Variants in SLC22A9 observed in about 807,000 individuals in gnomAD.
SLC22A9 encodes solute carrier family 22 member 9.
Under a neutral mutation model 50.1 loss-of-function variants are expected in SLC22A9, and 64 were observed. That is an observed-to-expected ratio of 1.28 (90% confidence interval 1.04 to 1.57). The LOEUF (loss-of-function observed/expected upper bound fraction) is 1.57, where lower values mean the gene tolerates loss of function less well. Ranked by LOEUF, SLC22A9 falls within the 40% of genes most tolerant of loss-of-function variation. The pLI, the probability that SLC22A9 is intolerant of heterozygous loss-of-function variation, is 0.00. For missense variants in SLC22A9, 757 were observed against 676.1 expected, an observed-to-expected ratio of 1.12 and a Z score of -1.33; for synonymous variants, 261 against 242.5, an observed-to-expected ratio of 1.08 and a Z score of -0.71.
At chr11:63,401,696 A>T (rs2014954222) in intron 6 of SLC22A9, among the ~76,000 whole-genome samples, 1 of 152,086 alleles carries the variant, frequency 6.6e-6, no homozygotes, top group African/African-American at 2.4e-5. Context: ...ACAAAGCTGG[A>T]GTGGCTGAGC....
chr11:63,374,948 C>T (rs1189067812), intron 4 of SLC22A9, among the ~76,000 whole-genome samples: 7 of 152,184 alleles, frequency 4.6e-5, no homozygotes, highest in South Asian at 2.1e-4. Context: ...TACTTATAGT[C>T]GGTTAACTAT....
chr11:63,387,624 C>T (rs960794819), intron 6 of SLC22A9, among the ~76,000 whole-genome samples: 15 of 151,730 alleles, frequency 9.9e-5, no homozygotes, highest in African/African-American at 1.5e-4. Flanking sequence ...CAGATAGTTT[C>T]GACTATTCTT....
chr11:63,397,278 A>C (rs868584122), intron 6 of SLC22A9, among the ~76,000 whole-genome samples: 6 of 152,158 alleles, frequency 3.9e-5, no homozygotes, highest in South Asian at 2.1e-4. Flanking sequence ...GGGAGGGGTA[A>C]CACAAGCACC....
In SLC22A9 at chr11:63,375,757, C is replaced by G; in HGVS notation, c.943C>G (p.Leu315Val). The part of the protein sequence containing the change: ...RSGMKNARDT[L>V]TLEILKSTMK... ...TGGAATGAAGAATGCCAGAGACACC[C>G]TAACCCTGGAGGTGAGCTGGATGGG... The change falls in exon 5 of 10, where the codon CTA becomes GTA. Residue 315 changes from leucine to valine, a missense_variant. Transcript: ENST00000279178. 6.2e-7 allele frequency: 1 copy of G among 1,611,866 alleles called. No individual in the cohort carries two copies. The highest frequency in any genetic ancestry group is 8.5e-7 in the Non-Finnish European group (1 of 1,178,548).
rs1261426068 is a variant in SLC22A9 at position 63,369,969 on chromosome 11, G to T, written c.-88G>T. On this transcript the variant is annotated 5_prime_UTR_variant, in exon 1 of 10. Transcript: ENST00000279178. ...GTCAGGATCAAAACACATTTAGTGT[G>T]ACTTAGGGAAAGAAAACATTTTCCC... 2.3e-6 allele frequency: 3 copies of T among 1,326,656 alleles called. No homozygotes were observed. Among genetic ancestry groups the T allele is most frequent in the Non-Finnish European group, 3.1e-6 (3 of 964,060 alleles). The allele number at this position is 1,326,656 out of a possible 1,614,324, so 82.2% of individuals were successfully genotyped here.
At chr11:63,400,310 A>C (rs939522254) in intron 6 of SLC22A9, among the ~76,000 whole-genome samples, 3 of 152,080 alleles carry the variant, frequency 2.0e-5, no homozygotes, top group African/African-American at 7.2e-5. Context: ...ATCAAATTGA[A>C]GATAAAAAAG....
intron 6 of SLC22A9, among the ~76,000 whole-genome samples, chr11:63,404,772 C>T (rs901877846): frequency 1.3e-5 from 2 of 152,108 alleles, no homozygotes; most frequent in Admixed American, 6.6e-5. Context: ...GGCTCTTATC[C>T]GACCCATGTA....
At chr11:63,383,225 A>G (rs548889160) in intron 6 of SLC22A9, among the ~76,000 whole-genome samples, 1 of 152,256 alleles carries the variant, frequency 6.6e-6, no homozygotes, top group East Asian at 1.9e-4. Flanking sequence ...CCAACATTCT[A>G]ATTTTTCAGG....
chr11:63,388,555 T>A (rs546549987), intron 6 of SLC22A9, among the ~76,000 whole-genome samples: 1 of 152,178 alleles, frequency 6.6e-6, no homozygotes, highest in African/African-American at 2.4e-5. Context: ...TGTTTTAATG[T>A]GTTGTTGAAT....
intron 6 of SLC22A9, among the ~76,000 whole-genome samples, chr11:63,398,514 CG>C (rs1425139187): frequency 6.6e-6 from 1 of 152,146 alleles, no homozygotes; most frequent in African/African-American, 2.4e-5. Flanking sequence ...CTGGGATGGG[CG>C]ATTCCCCTCT....
At chr11:63,387,381 C>A (rs1360596773) in intron 6 of SLC22A9, among the ~76,000 whole-genome samples, 1 of 152,016 alleles carries the variant, frequency 6.6e-6, no homozygotes, top group Non-Finnish European at 1.5e-5. Context: ...TTCCCAAGCA[C>A]CATGTATTGA....
intron 6 of SLC22A9, among the ~76,000 whole-genome samples, chr11:63,395,169 C>G (rs2014832179): frequency 6.6e-6 from 1 of 151,830 alleles, no homozygotes; most frequent in South Asian, 2.1e-4. Flanking sequence ...ACTTCCCTGC[C>G]CTGAGCTTTG....
At chr11:63,390,829 C>G (rs1002292637) in intron 6 of SLC22A9, among the ~76,000 whole-genome samples, 1 of 151,792 alleles carries the variant, frequency 6.6e-6, no homozygotes, top group African/African-American at 2.4e-5. Context: ...CACACCTGCT[C>G]TAATCTTTAT....
chr11:63,398,732 C>A (rs1045356960), intron 6 of SLC22A9, among the ~76,000 whole-genome samples: 2 of 152,052 alleles, frequency 1.3e-5, no homozygotes, highest in Non-Finnish European at 2.9e-5. Context: ...TCAAGGAAGT[C>A]TTTCCTACCC....
intron 6 of SLC22A9, among the ~76,000 whole-genome samples, chr11:63,389,644 G>T (rs1014796342): frequency 3.3e-5 from 5 of 152,110 alleles, no homozygotes; most frequent in Admixed American, 6.6e-5. Flanking sequence ...ATAAACATAC[G>T]TGTGCATGTG....
intron 6 of SLC22A9, among the ~76,000 whole-genome samples, chr11:63,391,322 T>C (rs1301829008): frequency 6.6e-6 from 1 of 152,126 alleles, no homozygotes; most frequent in East Asian, 1.9e-4. Context: ...TTCATAAGTA[T>C]CTATTAGGTC....
At chr11:63,376,753 A>C (rs1372026307) in intron 5 of SLC22A9, among the ~76,000 whole-genome samples, 2 of 151,964 alleles carry the variant, frequency 1.3e-5, no homozygotes, top group African/African-American at 4.8e-5. Flanking sequence ...ACACAGAGTG[A>C]CAAGTTGGAT....
At chr11:63,401,442 A>G (rs1189309714) in intron 6 of SLC22A9, among the ~76,000 whole-genome samples, 1 of 152,074 alleles carries the variant, frequency 6.6e-6, no homozygotes, top group African/African-American at 2.4e-5. Context: ...AAACTACACC[A>G]AAGAACTGAA....
chr11:63,388,648 C>T (rs1217211611), intron 6 of SLC22A9, among the ~76,000 whole-genome samples: 1 of 150,972 alleles, frequency 6.6e-6, no homozygotes, highest in Non-Finnish European at 1.5e-5. Flanking sequence ...TTTTAATGTG[C>T]CTTTGTCTGA....
Sources: allele counts gnomAD v4.1 joint callset (sites outside exome capture counted in the v4.1 genomes callset), GRCh38; gene constraint gnomAD v4.1.1; transcripts MANE v1.5; gene names NCBI Gene and HGNC (gene_info 2026-07-23, HGNC 2026-07-21).